LINGO2: variants seen among roughly 807,000 people sequenced by gnomAD.
LINGO2 encodes the protein leucine rich repeat and Ig domain containing 2.
LINGO2 carries 14 observed loss-of-function variants against 30.6 expected under a neutral mutation model. The ratio of observed to expected loss-of-function variants is 0.46; its 90% CI spans 0.30 to 0.72. The LOEUF is 0.72. LINGO2 is among the 30% of genes least tolerant of loss of function. LINGO2 has a pLI of 0.07. For missense variants in LINGO2, 729 were observed against 751.7 expected, an observed-to-expected ratio of 0.97 and a Z score of 0.35; for synonymous variants, 317 against 288.5, an observed-to-expected ratio of 1.10 and a Z score of -1.00.
the LINGO2 span, among the ~76,000 whole-genome samples, chr9:28,906,157 A>T: frequency 1.3e-5 from 2 of 151,946 alleles, no homozygotes; most frequent in Non-Finnish European, 2.9e-5. Context: ...TCTAGGTGGC[A>T]GGCTGGGGAG....
intron 1 of LINGO2, among the ~76,000 whole-genome samples, chr9:28,587,785 A>T (rs1824638196): frequency 6.6e-6 from 1 of 151,942 alleles, no homozygotes; most frequent in Non-Finnish European, 1.5e-5. Context: ...CCGGCTTCAG[A>T]GTTACATACA....
At chr9:28,841,967 A>T in the LINGO2 span, among the ~76,000 whole-genome samples, 3 of 151,780 alleles carry the variant, frequency 2.0e-5, no homozygotes, top group South Asian at 6.2e-4. Context: ...CATTCTATTG[A>T]ATCATGTGTC....
intron 3 of LINGO2, among the ~76,000 whole-genome samples, chr9:28,347,953 C>G (rs1819658085): frequency 6.6e-6 from 1 of 151,928 alleles, no homozygotes; most frequent in Non-Finnish European, 1.5e-5. Flanking sequence ...TAGAAATATC[C>G]CATTAAAAAG....
chr9:28,253,246 A>T (rs1360117579), intron 4 of LINGO2, among the ~76,000 whole-genome samples: 1 of 152,120 alleles, frequency 6.6e-6, no homozygotes, highest in African/African-American at 2.4e-5. Flanking sequence ...TTAAAAGTAC[A>T]CTGTAGGATA....
At chr9:28,612,814 GA>G (rs2135791472) in intron 1 of LINGO2, among the ~76,000 whole-genome samples, 1 of 152,236 alleles carries the variant, frequency 6.6e-6, no homozygotes, top group East Asian at 1.9e-4. Flanking sequence ...TTTGAAATGT[GA>G]AAGGGACATA....
chr9:28,553,832 G>A (rs1404456399), intron 1 of LINGO2, among the ~76,000 whole-genome samples: 1 of 152,050 alleles, frequency 6.6e-6, no homozygotes, highest in East Asian at 1.9e-4. Context: ...GAAGAGACTG[G>A]GGGCCGATAT....
the LINGO2 span, among the ~76,000 whole-genome samples, chr9:29,066,095 G>C: frequency 1.3e-5 from 2 of 151,836 alleles, no homozygotes; most frequent in Non-Finnish European, 2.9e-5. Flanking sequence ...CATAAGGGGA[G>C]AGAAAAGTCA....
chr9:28,508,132 C>G (rs1419235067), intron 1 of LINGO2, among the ~76,000 whole-genome samples: 2 of 151,936 alleles, frequency 1.3e-5, no homozygotes, highest in Non-Finnish European at 2.9e-5. Flanking sequence ...TATTATGGCT[C>G]TAAACAGTAT....
At chr9:27,978,297 T>A (rs2118866904) in intron 5 of LINGO2, among the ~76,000 whole-genome samples, 1 of 152,158 alleles carries the variant, frequency 6.6e-6, no homozygotes, top group South Asian at 2.1e-4. Context: ...TGGCTGAAAA[T>A]GGATCAAACA....
chr9:28,690,915 TA>T, the LINGO2 span, among the ~76,000 whole-genome samples: 1 of 152,278 alleles, frequency 6.6e-6, no homozygotes, highest in East Asian at 1.9e-4. Flanking sequence ...ACCATTATTA[TA>T]AATAAAAGTT....
the LINGO2 span, among the ~76,000 whole-genome samples, chr9:28,757,009 T>C: frequency 2.0e-5 from 3 of 152,170 alleles, no homozygotes; most frequent in African/African-American, 7.2e-5. Context: ...TTACCAGTTT[T>C]AGTTATAACA....
intron 4 of LINGO2, among the ~76,000 whole-genome samples, chr9:28,182,692 C>A (rs993433730): frequency 2.0e-5 from 3 of 151,892 alleles, no homozygotes; most frequent in Admixed American, 6.6e-5. Context: ...ACATGGCCAA[C>A]AAACATGAAA....
At chr9:29,173,787 C>T in the LINGO2 span, among the ~76,000 whole-genome samples, 1 of 151,972 alleles carries the variant, frequency 6.6e-6, no homozygotes, top group Admixed American at 6.6e-5. Context: ...ATTTGTGAAA[C>T]AATCATTAAA....
In LINGO2 at chr9:27,948,690, G is replaced by C. The variant is rs1000859073; in HGVS notation, c.*161C>G. The C allele has an allele frequency of 6.3e-6, 5 of 790,756 alleles. No homozygotes were observed. In the Admixed American group the frequency reaches 9.6e-5, roughly 15 times the overall value. 49.0% of individuals were successfully genotyped at this position (790,756 alleles called of 1,614,324 possible). A position where few individuals can be genotyped will look rare whatever the true frequency, so the allele number is the denominator to read the frequency against. ...ACACATGCCTGCCTGCCTGCCTTTC[G>C]ATGGAGAGTCTCCATTGGAAGTCCT... On this transcript the variant is annotated 3_prime_UTR_variant, in exon 6 of 6. Transcript: ENST00000379992.
chr9:28,774,253 AAG>A, the LINGO2 span, among the ~76,000 whole-genome samples: 1 of 152,198 alleles, frequency 6.6e-6, no homozygotes, highest in African/African-American at 2.4e-5. Context: ...GTACATATGT[AAG>A]CTATGCTAGT....
chr9:29,109,490 A>C, the LINGO2 span, among the ~76,000 whole-genome samples: 5 of 152,322 alleles, frequency 3.3e-5, no homozygotes, highest in Middle Eastern at 3.4e-3. Flanking sequence ...CAGATGAATT[A>C]CCTATATATA....
At chr9:28,142,584 G>A (rs1366443407) in intron 4 of LINGO2, among the ~76,000 whole-genome samples, 1 of 152,154 alleles carries the variant, frequency 6.6e-6, no homozygotes, top group Non-Finnish European at 1.5e-5. Flanking sequence ...TTACATATCT[G>A]AAGAAAGACT....
chr9:28,549,652 TTTAC>T (rs958868077), intron 1 of LINGO2, among the ~76,000 whole-genome samples: 57 of 152,086 alleles, frequency 3.7e-4, no homozygotes, highest in African/African-American at 1.3e-3. Context: ...AGTATTTTTT[TTTAC>T]TAATAGTAGT....
intron 1 of LINGO2, among the ~76,000 whole-genome samples, chr9:28,645,352 A>G (rs1341083572): frequency 1.3e-5 from 2 of 152,118 alleles, no homozygotes; most frequent in South Asian, 4.1e-4. Context: ...TTTAGAATAA[A>G]GAAAATGTTA....
Sources: gnomAD v4.1 joint callset for allele counts (sites outside exome capture counted in the v4.1 genomes callset) on GRCh38, gnomAD v4.1.1 for gene constraint, MANE v1.5 for transcripts, NCBI Gene and HGNC (gene_info 2026-07-23, HGNC 2026-07-21) for gene names.